The following DOCK6 variants were observed in gnomAD, a reference collection of about 807,000 sequenced individuals.
The protein encoded by DOCK6 is dedicator of cytokinesis protein 6.
DOCK6 carries 167 observed loss-of-function variants against 230.3 expected under a neutral mutation model. The observed-to-expected ratio is 0.73, with a 90% CI of 0.64 to 0.82. The LOEUF (loss-of-function observed/expected upper bound fraction) is 0.82. DOCK6 is among the 40% of genes least tolerant of loss of function. The pLI is 0.00. For synonymous variants in DOCK6, 1,148 were observed against 1,185.0 expected (o/e 0.97, Z 0.64); for missense variants, 2,598 against 2,825.8 (o/e 0.92, Z 1.83).
In DOCK6 at chr19:11,237,523, G is replaced by A. The variant is rs747023252; in HGVS notation, c.2006C>T (p.Thr669Ile). Residue 669 changes from threonine (T) to isoleucine (I), a missense_variant, in exon 18 of 48, where the codon ACC becomes ATC. By Grantham distance (89) the Thr-to-Ile change is moderately conservative. Transcript: ENST00000294618. The part of the protein sequence containing the change: ...IPLLQHGRLR[T>I]GPFCLPVSVD... ...AGACACTGGGAGACAGAAGGGGCCG[G>A]TCCTCAGGCGCCCGTGCTGCAGCAG... 6 of 1,612,696 alleles carry A rather than the reference G, an allele frequency of 3.7e-6. No homozygotes were observed. In the South Asian group the frequency reaches 6.6e-5, roughly 18 times the overall value.
At chr19:11,209,884 C>T (rs560193955) in intron 37 of DOCK6, among the ~76,000 whole-genome samples, 3 of 105,042 alleles carry the variant, frequency 2.9e-5, no homozygotes, top group Non-Finnish European at 6.1e-5. Context: ...CTCACCTGTC[C>T]ACCCCCTCAC....
Position 11,217,057 on chromosome 19 carries a change from GGC to G in DOCK6, c.3749_3750del (p.Ser1250ThrfsTer25). 1 of 1,613,412 alleles carries G rather than the reference GGC, an allele frequency of 6.2e-7. No individual in the cohort carries two copies. The highest frequency in any genetic ancestry group is 2.2e-5 in the East Asian group (1 of 44,888). On this transcript the variant is annotated frameshift_variant, in exon 30 of 48. Coordinates refer to ENST00000294618, the MANE Select transcript of DOCK6 (RefSeq NM_020812.4). LOFTEE classifies it high-confidence loss of function. The stretch of plus-strand genomic sequence containing the variant: ...CACAGCACACACGCCAGCAAGGTCC[GGC>G]TTGACTCAGCAGAGAGGGCACAGCC... ...RAGCALSAESSRTLLACVLWV... is the reference protein window; with the variant it reads ...RAGCALSAESXRTLLACVLWV...
intron 14 of DOCK6, chr19:11,239,564 C>T: frequency 1.3e-6 from 2 of 1,567,202 alleles, no homozygotes; most frequent in South Asian, 2.3e-5. Flanking sequence ...TAACGATTGA[C>T]TGGGGATCAG....
chr19:11,201,921 T>C lies in DOCK6; in HGVS notation c.5656A>G (p.Lys1886Glu). 1 of 1,595,264 alleles carries C rather than the reference T, an allele frequency of 6.3e-7. No homozygotes were observed. ...LSTDHAFPYI[K>E]TRIRVCHREE... ...CGGTGGCACACACGGATGCGAGTCT[T>C]GATGTAGGGGAAGGCGTGGTCGGTG... The change falls in exon 44 of 48, where the codon AAG becomes GAG. Residue 1886 changes from lysine to glutamate, a missense_variant. Transcript: ENST00000294618. This position sits in a 1 kb window ranked among gnomAD's most constrained non-coding sequence, Gnocchi z 4.3.
chr19:11,216,810 G>T, intron 30 of DOCK6, 104 bp downstream of exon 30: 1 of 1,189,862 alleles, frequency 8.4e-7, no homozygotes, highest in Non-Finnish European at 1.2e-6. Flanking sequence ...AGAGTCCTCT[G>T]CACAAAGACA....
At chr19:11,255,093 T>G (rs969192209) in intron 1 of DOCK6, among the ~76,000 whole-genome samples, 2 of 151,052 alleles carry the variant, frequency 1.3e-5, no homozygotes, top group Non-Finnish European at 2.9e-5. Flanking sequence ...AACACCTGCT[T>G]CCCGGGTTCA....
In DOCK6 at chr19:11,245,592, G is replaced by A. The variant is rs762705247; in HGVS notation, c.994C>T (p.Pro332Ser). The part of the protein sequence containing the change: ...ARSAIFSVTY[P>S]SPDIFLVIKL... ...ATGACCAGGAAGATGTCAGGTGAGG[G>A]GTAGGTCACAGAGAAGATGGCAGAG... The change falls in exon 9 of 48, where the codon CCC becomes TCC. Residue 332 changes from proline to serine, a missense_variant. Coordinates refer to ENST00000294618, the MANE Select transcript of DOCK6 (RefSeq NM_020812.4). The A allele has an allele frequency of 4.2e-5, 66 of 1,567,432 alleles. No homozygotes were observed. Among genetic ancestry groups the A allele is most frequent in the Non-Finnish European group, 5.5e-5 (64 of 1,156,292 alleles).
In DOCK6 at chr19:11,202,475, G is replaced by T; in HGVS notation, c.5370C>A (p.Tyr1790Ter). ...CGACGTCGTCGCCAAATCTCTCCGT[G>T]TAGAACTCCTGGAGACACAGGGCTG... ...AEISHRLEEF[Y>*]TERFGDDVVE... Residue 1790 changes from tyrosine (Y) to a stop codon, truncating the protein, a stop_gained, in exon 43 of 48, where the codon TAC (tyrosine) becomes TAA (stop). Coordinates refer to ENST00000294618, the MANE Select transcript of DOCK6 (RefSeq NM_020812.4). LOFTEE classifies it high-confidence loss of function. The surrounding 1 kb of genome is among the most constrained non-coding windows in gnomAD (Gnocchi z 5.3). The T allele has an allele frequency of 1.2e-6, 2 of 1,613,458 alleles. No individual in the cohort carries two copies. The highest frequency in any genetic ancestry group is 1.7e-6 in the Non-Finnish European group (2 of 1,179,598).
At position 11,237,503 on chromosome 19, in the gene DOCK6, C is replaced by T; in HGVS notation, c.2026G>A (p.Val676Met). 2.5e-6 allele frequency: 4 copies of T among 1,613,040 alleles called. No individual in the cohort carries two copies. The highest frequency in any genetic ancestry group is 3.4e-6 in the Non-Finnish European group (4 of 1,179,722). Reference sequence around the variant, plus strand: ...CTGGGCGGCGGCTGGTCCACAGACACTGGGAGACAGAAGGGGCCGGTCCTC... The same window carrying T: ...CTGGGCGGCGGCTGGTCCACAGACATTGGGAGACAGAAGGGGCCGGTCCTC... ...RLRTGPFCLP[V>M]SVDQPPPSYS... The change falls in exon 18 of 48, where the codon GTG becomes ATG. Residue 676 changes from valine to methionine, a missense_variant. Val to Met is a conservative substitution (Grantham distance 21). Transcript: ENST00000294618.
At chr19:11,244,077 C>T (rs945082761) in intron 9 of DOCK6, among the ~76,000 whole-genome samples, 195 bp from the exon 10 acceptor site, 4 of 151,908 alleles carry the variant, frequency 2.6e-5, no homozygotes, top group Admixed American at 1.3e-4. Flanking sequence ...GTGGCTACTC[C>T]CTCCCATTCT....
chr19:11,243,602 C>G lies in DOCK6; in HGVS notation c.1213G>C (p.Val405Leu), dbSNP rs777464659. 1.9e-6 allele frequency: 3 copies of G among 1,610,936 alleles called. No individual in the cohort carries two copies. Among genetic ancestry groups the G allele is most frequent in the Non-Finnish European group, 2.5e-6 (3 of 1,179,130 alleles). ...AWTAVHLANI[V>L]SSAGQLDRDS... is the part of the protein sequence containing the mutation. The stretch of plus-strand genomic sequence containing the variant: ...CGGTCCAGCTGCCCAGCGCTGCTCA[C>G]GATGTTGGCCAAGTGCACGGCCGTC... The change falls in exon 11 of 48, where the codon GTG becomes CTG. Residue 405 changes from valine to leucine, a missense_variant. Transcript: ENST00000294618. The surrounding 1 kb of genome is among the most constrained non-coding windows in gnomAD (Gnocchi z 6.3).
At chr19:11,251,138 C>CAGAG in intron 5 of DOCK6, 52 bp from the exon 6 acceptor site, 4 of 1,528,642 alleles carry the variant, frequency 2.6e-6, no homozygotes, top group Non-Finnish European at 3.6e-6. Context: ...ACACCTTCAC[C>CAGAG]TCACTCTGGT....
At chr19:11,257,482 TAAAAAAAAA>T (rs35933920) in intron 1 of DOCK6, among the ~76,000 whole-genome samples, 8 of 78,604 alleles carry the variant, frequency 1.0e-4, no homozygotes, top group African/African-American at 1.5e-4. Context: ...CACTGTCTCT[TAAAAAAAAA>T]AAAAAAAAAA....
chr19:11,261,258 C>CCT (rs1035088801), intron 1 of DOCK6, among the ~76,000 whole-genome samples: 10 of 152,026 alleles, frequency 6.6e-5, no homozygotes, highest in African/African-American at 2.2e-4. Flanking sequence ...TCGATCGATC[C>CCT]CTCTCTCATC....
Position 11,252,140 on chromosome 19 carries a change from C to CTCGA in DOCK6, c.485_486insTCGA (p.Glu162AspfsTer7). On this transcript the variant is annotated frameshift_variant, in exon 5 of 48. Coordinates refer to ENST00000294618, the MANE Select transcript of DOCK6 (RefSeq NM_020812.4). LOFTEE classifies it high-confidence loss of function. ...TCACCGAGTCCTCAGGGCCGGACCT[C>CTCGA]TCGTCTCCAGAAGCATCCTGCTCAA... is the stretch of plus-strand genomic sequence containing the variant. 2 of 1,588,840 alleles carry CTCGA rather than the reference C, an allele frequency of 1.3e-6. No homozygotes were observed. The highest frequency in any genetic ancestry group is 1.7e-6 in the Non-Finnish European group (2 of 1,168,132).
Position 11,223,071 on chromosome 19 carries a change from C to T in DOCK6, c.2991G>A (p.Leu997=). 16 of 1,613,732 alleles carry T rather than the reference C, an allele frequency of 9.9e-6. No homozygotes were observed. The highest frequency in any genetic ancestry group is 1.4e-5 in the Non-Finnish European group (16 of 1,179,870). The part of the protein sequence containing the change: ...VELAEHLNAS[L]AFFLSDLLSL... ...ACAGAAGGTCACTGAGGAAGAAAGCCAGGCTGGCGTTGAGGTGCTCGGCCA... is the reference window on the plus strand; with the variant it reads ...ACAGAAGGTCACTGAGGAAGAAAGCTAGGCTGGCGTTGAGGTGCTCGGCCA... The change falls in exon 25 of 48, where the codon CTG becomes CTA. Residue 997 remains leucine (L), a synonymous_variant. Transcript: ENST00000294618.
At position 11,243,008 on chromosome 19, in the gene DOCK6, T is replaced by A; in HGVS notation, c.1480+51A>T. The A allele has an allele frequency of 1.2e-6, 2 of 1,603,656 alleles. No individual in the cohort carries two copies. Among genetic ancestry groups the A allele is most frequent in the Non-Finnish European group, 1.7e-6 (2 of 1,173,310 alleles). On this transcript the variant is annotated intron_variant, in intron 13 of 47. Transcript: ENST00000294618. The surrounding 1 kb of genome is among the most constrained non-coding windows in gnomAD (Gnocchi z 6.3). ...GTAGGTGCTCTCAGTGTAGGTTTGT[T>A]GAGTGGCTGAGTGAGAGTGATACTT...
chr19:11,240,591 T>C (rs1464707253), intron 14 of DOCK6, among the ~76,000 whole-genome samples: 1 of 151,626 alleles, frequency 6.6e-6, no homozygotes, highest in Non-Finnish European at 1.5e-5. Context: ...TCTTTTTTTT[T>C]TTTTTTTTGA....
chr19:11,259,050 ACTTT>A (rs2080242072), intron 1 of DOCK6, among the ~76,000 whole-genome samples: 2 of 150,932 alleles, frequency 1.3e-5, no homozygotes, highest in African/African-American at 4.9e-5. Context: ...TACCCAGGCT[ACTTT>A]CTTTTTCTTT....
Sources: allele counts gnomAD v4.1 joint callset (sites outside exome capture counted in the v4.1 genomes callset), GRCh38; gene constraint gnomAD v4.1.1; non-coding constraint Gnocchi (gnomAD v3.1); transcripts MANE v1.5; gene names NCBI Gene and HGNC (gene_info 2026-07-23, HGNC 2026-07-21).